The following RORA variants were observed in gnomAD, a reference collection of about 807,000 sequenced individuals.
RORA encodes the protein nuclear receptor ROR-alpha.
RORA carries 7 observed loss-of-function variants against 69.5 expected under a neutral mutation model. The observed-to-expected ratio is 0.10, with a 90% CI of 0.06 to 0.19. The LOEUF is 0.19. RORA is among the 10% of genes least tolerant of loss of function. The probability of loss-of-function intolerance (pLI) is 1.00; values close to 1 mark genes in which losing one functional copy is unlikely to be tolerated. For synonymous variants in RORA, 261 were observed against 240.8 expected (o/e 1.08, Z -0.78); for missense variants, 457 against 663.0 (o/e 0.69, Z 3.41).
At chr15:60,926,462 C>T (rs1035010828) in intron 1 of RORA, among the ~76,000 whole-genome samples, 1 of 152,234 alleles carries the variant, frequency 6.6e-6, no homozygotes, top group African/African-American at 2.4e-5. Context: ...TCTTGCTCAA[C>T]CCCAACCTTG....
intron 1 of RORA, among the ~76,000 whole-genome samples, chr15:60,891,556 C>T (rs191400710): frequency 3.5e-4 from 53 of 152,228 alleles, no homozygotes; most frequent in African/African-American, 1.2e-3. Flanking sequence ...CAGCAAGAGG[C>T]GGAGACTCAG....
Position 60,597,605 on chromosome 15 carries a change from TATATATATATATACATAC to T in RORA, c.197-65772_197-65755del, listed in dbSNP as rs1478206052. ...ATATATATATATATACACATATATA[TATATATATATATACATAC>T]ATATATATACATATATATATATATA... On this transcript the variant is annotated intron_variant, in intron 2 of 10. Coordinates refer to ENST00000335670, the MANE Select transcript of RORA (RefSeq NM_134261.3). Among the ~76,000 whole-genome samples the T allele has an allele frequency of 5.4e-4, 24 of 44,528 alleles. 5 individuals are homozygous for T. Among genetic ancestry groups the T allele is most frequent in the African/African-American group, 2.6e-3 (23 of 8,902 alleles). 29.2% of individuals were successfully genotyped at this position (44,528 alleles called of 152,430 possible).
intron 1 of RORA, among the ~76,000 whole-genome samples, chr15:61,004,388 T>C (rs1468635253): frequency 6.6e-6 from 1 of 151,816 alleles, no homozygotes; most frequent in African/African-American, 2.4e-5. Context: ...GTTTTTTTTT[T>C]TTTTCATCTA....
chr15:61,127,078 A>G (rs1398927269), intron 1 of RORA, among the ~76,000 whole-genome samples: 1 of 152,186 alleles, frequency 6.6e-6, no homozygotes, highest in Non-Finnish European at 1.5e-5. Context: ...ATATATTACT[A>G]TATTAGACAC....
chr15:60,899,850 T>C (rs1418451520), intron 1 of RORA, among the ~76,000 whole-genome samples: 1 of 152,190 alleles, frequency 6.6e-6, no homozygotes, highest in Non-Finnish European at 1.5e-5. Flanking sequence ...AAAGTCAAAC[T>C]CTTTGTTGAG....
rs146762063 is a variant in RORA at position 61,006,203 on chromosome 15, G to A, written c.166+222850C>T. On this transcript the variant is annotated intron_variant, in intron 1 of 10. Coordinates refer to ENST00000335670, the MANE Select transcript of RORA (RefSeq NM_134261.3). ...AGGATGGTCTCAATCTCTTGACTTC[G>A]TGATCTGCCCACCTCAGCCTCCCAA... is the stretch of plus-strand genomic sequence containing the variant. Among the ~76,000 whole-genome samples, 421 of 151,996 alleles carry A rather than the reference G, an allele frequency of 2.8e-3. 1 individual carries two copies. The highest frequency in any genetic ancestry group is 5.1e-3 in the Non-Finnish European group (349 of 67,962).
intron 1 of RORA, among the ~76,000 whole-genome samples, chr15:60,809,510 C>A (rs569131050): frequency 6.6e-6 from 1 of 152,172 alleles, no homozygotes; most frequent in African/African-American, 2.4e-5. Flanking sequence ...CTCCATATCT[C>A]GAAATAACAG....
intron 1 of RORA, among the ~76,000 whole-genome samples, chr15:61,035,048 T>C (rs897737981): frequency 6.6e-6 from 1 of 152,232 alleles, no homozygotes; most frequent in South Asian, 2.1e-4. Context: ...GAAATAGATA[T>C]AAACAGACCT....
intron 1 of RORA, among the ~76,000 whole-genome samples, chr15:60,861,930 A>G (rs1285679583): frequency 6.6e-6 from 1 of 152,236 alleles, no homozygotes; most frequent in Non-Finnish European, 1.5e-5. Context: ...CTCAATAGGT[A>G]TATTAAGCAG....
At chr15:60,578,230 G>T (rs902313745) in intron 2 of RORA, among the ~76,000 whole-genome samples, 4 of 152,174 alleles carry the variant, frequency 2.6e-5, no homozygotes, top group Non-Finnish European at 5.9e-5. Flanking sequence ...GGGTCACTTG[G>T]AAACTACTGG....
At chr15:61,005,836 G>A (rs1304973922) in intron 1 of RORA, among the ~76,000 whole-genome samples, 1 of 152,172 alleles carries the variant, frequency 6.6e-6, no homozygotes, top group East Asian at 1.9e-4. Context: ...ATGAGTAGGA[G>A]TGTGCGTATG....
chr15:60,982,628 C>A (rs1894078384), intron 1 of RORA, among the ~76,000 whole-genome samples: 1 of 152,190 alleles, frequency 6.6e-6, no homozygotes, highest in African/African-American at 2.4e-5. Context: ...CATATGCCTG[C>A]ACTGGGAATG....
intron 2 of RORA, among the ~76,000 whole-genome samples, chr15:60,665,606 C>T (rs2070367433): frequency 6.6e-6 from 1 of 152,212 alleles, no homozygotes; most frequent in Admixed American, 6.5e-5. Flanking sequence ...AGATGTCAAG[C>T]AGCCCTTTGA....
intron 1 of RORA, among the ~76,000 whole-genome samples, chr15:60,718,781 T>A (rs2071252952): frequency 6.6e-6 from 1 of 152,192 alleles, no homozygotes; most frequent in African/African-American, 2.4e-5. Context: ...AAAGGATCTC[T>A]CAAAGGCACA....
At chr15:60,602,045 C>T (rs1246764130) in intron 2 of RORA, among the ~76,000 whole-genome samples, 2 of 152,064 alleles carry the variant, frequency 1.3e-5, no homozygotes, top group Non-Finnish European at 2.9e-5. Flanking sequence ...CTTGGAAAGC[C>T]CAACTCGCCC....
At chr15:60,514,485 G>A in intron 4 of RORA, 131 bp downstream of exon 4, 1 of 823,486 alleles carries the variant, frequency 1.2e-6, no homozygotes, top group Non-Finnish European at 2.0e-6. Flanking sequence ...AGAGGAGCAT[G>A]GGGGGCGGGG....
chr15:60,618,001 A>G (rs1410286303), intron 2 of RORA, among the ~76,000 whole-genome samples: 2 of 152,234 alleles, frequency 1.3e-5, no homozygotes, highest in African/African-American at 2.4e-5. Flanking sequence ...AAGAAGTCAT[A>G]GAGAAGTGAA....
At chr15:60,984,183 A>G (rs776671387) in intron 1 of RORA, among the ~76,000 whole-genome samples, 49 of 152,096 alleles carry the variant, frequency 3.2e-4, no homozygotes, top group Non-Finnish European at 5.6e-4. Flanking sequence ...AACATATAGC[A>G]CCCCGATTGA....
chr15:60,783,688 C>A (rs1006907384), intron 1 of RORA, among the ~76,000 whole-genome samples: 1 of 152,214 alleles, frequency 6.6e-6, no homozygotes, highest in Non-Finnish European at 1.5e-5. Context: ...CATTTTCCCA[C>A]ATGGGATGAC....
Sources: gnomAD v4.1 joint callset for allele counts (sites outside exome capture counted in the v4.1 genomes callset) on GRCh38, gnomAD v4.1.1 for gene constraint, MANE v1.5 for transcripts, NCBI Gene and HGNC (gene_info 2026-07-23, HGNC 2026-07-21) for gene names.